Variants in MBOAT1 observed in about 807,000 individuals in gnomAD.
MBOAT1 encodes membrane-bound glycerophospholipid O-acyltransferase 1.
MBOAT1 carries 67 observed loss-of-function variants against 64.4 expected under a neutral mutation model. The ratio of observed to expected loss-of-function variants is 1.04; its 90% CI spans 0.85 to 1.27. MBOAT1 has a LOEUF of 1.27. MBOAT1 is among the 50% of genes most tolerant of loss of function. MBOAT1 has a pLI of 0.00. For synonymous variants in MBOAT1, 229 were observed against 218.9 expected (o/e 1.05, Z -0.41); for missense variants, 563 against 604.6 (o/e 0.93, Z 0.72).
chr6:20,184,259 G>A (rs200493435), intron 1 of MBOAT1, among the ~76,000 whole-genome samples: 42 of 152,330 alleles, frequency 2.8e-4, no homozygotes, highest in African/African-American at 8.2e-4. Flanking sequence ...AGGTGCCAGC[G>A]CTGATGTGGA....
At chr6:20,195,496 G>T (rs1474245151) in intron 1 of MBOAT1, among the ~76,000 whole-genome samples, 4 of 152,056 alleles carry the variant, frequency 2.6e-5, no homozygotes, top group Non-Finnish European at 5.9e-5. Flanking sequence ...AAAAAGCCTG[G>T]ATTTTACTGG....
intron 12 of MBOAT1, among the ~76,000 whole-genome samples, chr6:20,105,055 A>C (rs1759910918): frequency 6.6e-6 from 1 of 152,234 alleles, no homozygotes; most frequent in African/African-American, 2.4e-5. Flanking sequence ...GAGTGGAAAA[A>C]GTGCTCCACA....
chr6:20,112,210 T>A (rs368448256), intron 11 of MBOAT1, among the ~76,000 whole-genome samples: 1 of 152,054 alleles, frequency 6.6e-6, no homozygotes, highest in South Asian at 2.1e-4. Flanking sequence ...GAATCGCAAT[T>A]ACTTCTATGC....
chr6:20,118,715 G>A (rs987546200), intron 8 of MBOAT1, among the ~76,000 whole-genome samples, 175 bp from the exon 9 acceptor site: 1 of 152,096 alleles, frequency 6.6e-6, no homozygotes, highest in East Asian at 1.9e-4. Flanking sequence ...AAACATATTC[G>A]GCTGTTTGGT....
At chr6:20,134,874 T>C (rs1363036913) in intron 4 of MBOAT1, among the ~76,000 whole-genome samples, 1 of 150,728 alleles carries the variant, frequency 6.6e-6, no homozygotes, top group Non-Finnish European at 1.5e-5. Flanking sequence ...CAGAACACAT[T>C]TATTGGTTTA....
At chr6:20,186,890 T>C (rs1012391138) in intron 1 of MBOAT1, among the ~76,000 whole-genome samples, 3 of 152,240 alleles carry the variant, frequency 2.0e-5, no homozygotes, top group Non-Finnish European at 4.4e-5. Context: ...GCATAAGCTG[T>C]GGGCATCTGA....
chr6:20,212,107 G>A lies in MBOAT1; in HGVS notation c.99+29C>T, dbSNP rs757904336. 27 of 1,603,434 alleles carry A rather than the reference G, an allele frequency of 1.7e-5. No homozygotes were observed. In the Middle Eastern group the frequency reaches 1.7e-3, roughly 100 times the overall value. The stretch of plus-strand genomic sequence containing the variant: ...CGTGCACGCGATCGCTGGGGAGCTG[G>A]GGTCGCTGCGCTCCCGGCCTGCAGT... On this transcript the variant is annotated intron_variant, in intron 1 of 12. Transcript: ENST00000324607.
At chr6:20,183,633 C>T (rs1762568477) in intron 1 of MBOAT1, among the ~76,000 whole-genome samples, 1 of 152,326 alleles carries the variant, frequency 6.6e-6, no homozygotes, top group African/African-American at 2.4e-5. Flanking sequence ...AGTCCACCAA[C>T]AAAAATCAGA....
chr6:20,192,246 A>T (rs1364125527), intron 1 of MBOAT1, among the ~76,000 whole-genome samples: 2 of 151,898 alleles, frequency 1.3e-5, no homozygotes, highest in Non-Finnish European at 2.9e-5. Flanking sequence ...ACAGTCAAAA[A>T]TTTTTTTCTT....
intron 12 of MBOAT1, among the ~76,000 whole-genome samples, chr6:20,106,960 A>G (rs1389193068): frequency 6.6e-6 from 1 of 152,234 alleles, no homozygotes. Flanking sequence ...GTTCCTGCCT[A>G]CGCCTAGTTG....
intron 9 of MBOAT1, among the ~76,000 whole-genome samples, chr6:20,116,008 A>G (rs1035631398): frequency 4.1e-5 from 6 of 147,324 alleles, no homozygotes; most frequent in African/African-American, 1.5e-4. Context: ...AAAAAAAAAG[A>G]AAAAGGTCTT....
chr6:20,106,782 A>G (rs1028596454), intron 12 of MBOAT1, among the ~76,000 whole-genome samples: 7 of 152,174 alleles, frequency 4.6e-5, no homozygotes, highest in African/African-American at 1.7e-4. Flanking sequence ...TCAATAAATA[A>G]CTAGAAACCA....
chr6:20,144,199 T>C (rs749689910), intron 4 of MBOAT1, 21 bp downstream of exon 4: 13 of 1,525,838 alleles, frequency 8.5e-6, no homozygotes, highest in Admixed American at 5.2e-5. Context: ...AAAACCCCTC[T>C]CTCTAATGTA....
At chr6:20,187,198 A>T (rs1256224653) in intron 1 of MBOAT1, among the ~76,000 whole-genome samples, 1 of 152,342 alleles carries the variant, frequency 6.6e-6, no homozygotes, top group Middle Eastern at 3.4e-3. Flanking sequence ...ACATTTACTG[A>T]TTCTGAAGGA....
At chr6:20,174,976 A>G (rs774684269) in intron 1 of MBOAT1, among the ~76,000 whole-genome samples, 10 of 152,164 alleles carry the variant, frequency 6.6e-5, no homozygotes, top group Non-Finnish European at 1.0e-4. Flanking sequence ...AAATTAATTT[A>G]CCCTTGATAC....
intron 11 of MBOAT1, among the ~76,000 whole-genome samples, chr6:20,110,120 A>T (rs1189517786): frequency 2.0e-5 from 3 of 151,628 alleles, no homozygotes; most frequent in Non-Finnish European, 4.4e-5. Flanking sequence ...CATGTTGGCC[A>T]GGCTGGTCTC....
intron 9 of MBOAT1, among the ~76,000 whole-genome samples, chr6:20,116,802 T>G (rs1208752583): frequency 3.9e-5 from 6 of 152,184 alleles, no homozygotes; most frequent in African/African-American, 1.4e-4. Context: ...TGAAGACATG[T>G]CCACTGTGGA....
Position 20,152,613 on chromosome 6 carries a change from C to G in MBOAT1, c.245+11G>C. The G allele has an allele frequency of 6.2e-7, 1 of 1,606,252 alleles. No homozygotes were observed. Reference sequence around the variant, plus strand: ...ATGACCAATATTAGAATATATGAGGCTCATACTCACCAGCCGAAACAAAAG... The same window carrying G: ...ATGACCAATATTAGAATATATGAGGGTCATACTCACCAGCCGAAACAAAAG... On this transcript the variant is annotated intron_variant, in intron 2 of 12. Transcript: ENST00000324607.
At position 20,153,848 on chromosome 6, in the gene MBOAT1, A is replaced by G. The variant is rs114856309; in HGVS notation, c.100-1079T>C. Among the ~76,000 whole-genome samples, 1,298 of 152,324 alleles carry G rather than the reference A, an allele frequency of 8.5e-3. 18 individuals are homozygous for G. Among genetic ancestry groups the G allele is most frequent in the African/African-American group, 0.028 (1,175 of 41,568 alleles). On this transcript the variant is annotated intron_variant, in intron 1 of 12. Coordinates refer to ENST00000324607, the MANE Select transcript of MBOAT1 (RefSeq NM_001080480.3). ...TCTATAGAAAAGGTCAGCTGATTTT[A>G]AAAAACAATAAGCAAACATGTACCT...
Sources: gnomAD v4.1 joint callset for allele counts (sites outside exome capture counted in the v4.1 genomes callset) on GRCh38, gnomAD v4.1.1 for gene constraint, MANE v1.5 for transcripts, NCBI Gene and HGNC (gene_info 2026-07-23, HGNC 2026-07-21) for gene names.